The following SIL1 variants were observed in gnomAD, a reference collection of about 807,000 sequenced individuals.
SIL1 encodes SIL1 nucleotide exchange factor.
Under a neutral mutation model 49.1 loss-of-function variants are expected in SIL1, and 40 were observed. That is an observed-to-expected ratio of 0.81 (90% confidence interval 0.63 to 1.06). The LOEUF (loss-of-function observed/expected upper bound fraction) is 1.06, where lower values mean the gene tolerates loss of function less well. Among genes scored for constraint, SIL1 ranks in the 50% least tolerant of loss-of-function variants. The pLI is 0.00. For missense variants in SIL1, 500 were observed against 572.6 expected, an observed-to-expected ratio of 0.87 and a Z score of 1.29; for synonymous variants, 253 against 250.8, an observed-to-expected ratio of 1.01 and a Z score of -0.08.
intron 4 of SIL1, among the ~76,000 whole-genome samples, chr5:139,043,007 A>G (rs1163166792): frequency 6.6e-6 from 1 of 152,174 alleles, no homozygotes; most frequent in African/African-American, 2.4e-5. Context: ...CTAAAAATAA[A>G]TAAGAGGGGA....
At chr5:139,122,586 C>T (rs1376906065) in intron 2 of SIL1, among the ~76,000 whole-genome samples, 1 of 151,498 alleles carries the variant, frequency 6.6e-6, no homozygotes, top group East Asian at 1.9e-4. Context: ...CAGAGCAAGA[C>T]CCTGTCTCAA....
intron 7 of SIL1, among the ~76,000 whole-genome samples, chr5:138,996,395 T>C (rs911724074): frequency 1.3e-5 from 2 of 152,172 alleles, no homozygotes; most frequent in Non-Finnish European, 2.9e-5. Flanking sequence ...ATTGAGTTGT[T>C]TGAGCCCCTT....
chr5:138,975,308 C>T (rs1265463969), intron 7 of SIL1, among the ~76,000 whole-genome samples: 1 of 152,084 alleles, frequency 6.6e-6, no homozygotes, highest in Non-Finnish European at 1.5e-5. Flanking sequence ...ATCAAAGACT[C>T]AAAAATGAAA....
rs1258968877 is a variant in SIL1 at position 138,947,883 on chromosome 5, C to T, written c.1030-410G>A. Reference sequence around the variant, plus strand: ...GGCACTTAGCCTCCCTGAGACTCATCGTCATCACCTCCTAAGTGGAGAAAC... The same window carrying T: ...GGCACTTAGCCTCCCTGAGACTCATTGTCATCACCTCCTAAGTGGAGAAAC... On this transcript the variant is annotated intron_variant, in intron 9 of 9. Transcript: ENST00000394817. This position sits in a 1 kb window ranked among gnomAD's most constrained non-coding sequence, Gnocchi z 4.1. Among the ~76,000 whole-genome samples, 2 of 152,190 alleles carry T rather than the reference C, an allele frequency of 1.3e-5. No homozygotes were observed. The highest frequency in any genetic ancestry group is 4.8e-5 in the African/African-American group (2 of 41,434).
chr5:139,041,063 A>G lies in SIL1; in HGVS notation c.453+1557T>C, dbSNP rs115473887. On this transcript the variant is annotated intron_variant, in intron 5 of 9. Coordinates refer to ENST00000394817, the MANE Select transcript of SIL1 (RefSeq NM_022464.5). ...CACATGGAACCGACAGTGGGTGGGA[A>G]GGAGCCAAAGCCCTGGCCAGTCCCT... Among the ~76,000 whole-genome samples, 322 of 152,266 alleles carry G rather than the reference A, an allele frequency of 2.1e-3. 1 individual carries two copies. Among genetic ancestry groups the G allele is most frequent in the African/African-American group, 7.4e-3 (307 of 41,556 alleles).
Position 139,054,215 on chromosome 5 carries a change from G to C in SIL1, c.245-3169C>G, listed in dbSNP as rs75845989. Reference sequence around the variant, plus strand: ...TGGATCACTTGAGGCCATGGGTTGGGCAACACAGTGAGACCCCGTCTGTAC... The same window carrying C: ...TGGATCACTTGAGGCCATGGGTTGGCCAACACAGTGAGACCCCGTCTGTAC... On this transcript the variant is annotated intron_variant, in intron 3 of 9. Transcript: ENST00000394817. Among the ~76,000 whole-genome samples, 843 of 152,242 alleles carry C rather than the reference G, an allele frequency of 5.5e-3. 4 individuals are homozygous for C. Among genetic ancestry groups the C allele is most frequent in the African/African-American group, 0.019 (808 of 41,524 alleles).
Position 138,990,779 on chromosome 5 carries a change from G to A in SIL1, c.767+30392C>T, listed in dbSNP as rs185364189. Among the ~76,000 whole-genome samples, 174 of 152,244 alleles carry A rather than the reference G, an allele frequency of 1.1e-3. 1 individual carries two copies. Among genetic ancestry groups the A allele is most frequent in the South Asian group, 8.1e-3 (39 of 4,820 alleles). On this transcript the variant is annotated intron_variant, in intron 7 of 9. Transcript: ENST00000394817. ...GAGTCTTGCTGAAGTCCAGTGGCGCGATCTCGGCTCACCGCAACCTCTACC... is the reference window on the plus strand; with the variant it reads ...GAGTCTTGCTGAAGTCCAGTGGCGCAATCTCGGCTCACCGCAACCTCTACC...
intron 1 of SIL1, among the ~76,000 whole-genome samples, chr5:139,149,303 G>A (rs1285759310): frequency 1.3e-5 from 2 of 152,180 alleles, no homozygotes; most frequent in Non-Finnish European, 2.9e-5. Context: ...TACCAAAAGA[G>A]CAAATATTTG....
rs146539320 is a variant in SIL1 at position 139,121,154 on chromosome 5, T to G, written c.125A>C (p.Asn42Thr). The change falls in exon 3 of 10, where the codon AAC (asparagine) becomes ACC (threonine). Residue 42 changes from asparagine (N) to threonine (T), a missense_variant. Asn to Thr is a moderately conservative substitution (Grantham distance 65). Transcript: ENST00000394817. ...HQNLKEFALT[N>T]PEKSSTKETE... ...TTCTTTGGTGCTGCTCTTCTCTGGG[T>G]TGGTCAGGGCAAACTCCTTCTGAGA... The G allele has an allele frequency of 3.0e-5, 49 of 1,614,036 alleles. No homozygotes were observed. Among genetic ancestry groups the G allele is most frequent in the Non-Finnish European group, 3.9e-5 (46 of 1,180,022 alleles).
chr5:139,170,733 G>A (rs1383575005), intron 1 of SIL1, among the ~76,000 whole-genome samples: 1 of 151,830 alleles, frequency 6.6e-6, no homozygotes, highest in Non-Finnish European at 1.5e-5. Context: ...TCTGGGAAGT[G>A]AGGAGCGTCT....
intron 7 of SIL1, among the ~76,000 whole-genome samples, chr5:138,967,573 C>T (rs770153508): frequency 6.6e-6 from 1 of 152,176 alleles, no homozygotes. Context: ...AGTGAGAAAT[C>T]TGACAAAAAG....
chr5:139,120,654 A>T (rs1750606398), intron 3 of SIL1, among the ~76,000 whole-genome samples: 1 of 152,218 alleles, frequency 6.6e-6, no homozygotes, highest in Admixed American at 6.5e-5. Context: ...ACCAGTGCTC[A>T]GGACTCTCCC....
chr5:139,176,927 CTTT>C (rs70982757), intron 1 of SIL1, among the ~76,000 whole-genome samples: 3 of 95,786 alleles, frequency 3.1e-5, no homozygotes, highest in Non-Finnish European at 4.1e-5. Context: ...AGCTGAGATT[CTTT>C]TTTTTTTTTT....
At chr5:139,161,985 C>T (rs1452142401) in intron 1 of SIL1, among the ~76,000 whole-genome samples, 2 of 151,748 alleles carry the variant, frequency 1.3e-5, no homozygotes, top group African/African-American at 4.8e-5. Context: ...TGCACTCCAG[C>T]CTGGGCAACA....
chr5:139,061,552 T>A (rs900054273), intron 3 of SIL1, among the ~76,000 whole-genome samples: 4 of 152,250 alleles, frequency 2.6e-5, no homozygotes, highest in African/African-American at 9.6e-5. Context: ...AATTCCTTTA[T>A]GTTTCTGAAT....
rs117590412 is a variant in SIL1 at position 139,045,103 on chromosome 5, T to C, written c.354-2384A>G. 1.1e-3 allele frequency among the ~76,000 whole-genome samples: 165 copies of C among 152,280 alleles called. 4 individuals are homozygous for C. The East Asian group carries it at 0.027, about 25-fold the overall frequency. On this transcript the variant is annotated intron_variant, in intron 4 of 9. Transcript: ENST00000394817. ...CGGGTGTGGTGGGTCATGCCTGTAA[T>C]TCCGGCACTTTGGGAGGCTGAGGAG...
chr5:139,071,152 CT>C (rs1769822701), intron 3 of SIL1, among the ~76,000 whole-genome samples: 1 of 125,906 alleles, frequency 7.9e-6, no homozygotes, highest in African/African-American at 3.1e-5. Flanking sequence ...AAAATTTAGC[CT>C]GGGAAATGGC....
intron 3 of SIL1, among the ~76,000 whole-genome samples, chr5:139,057,812 A>C (rs541959048): frequency 6.6e-6 from 1 of 152,358 alleles, no homozygotes; most frequent in South Asian, 2.1e-4. Context: ...GGGAAGTCCA[A>C]GATCACACCA....
intron 6 of SIL1, among the ~76,000 whole-genome samples, chr5:139,023,114 A>C (rs1034498835): frequency 6.6e-6 from 1 of 152,244 alleles, no homozygotes; most frequent in Non-Finnish European, 1.5e-5. Flanking sequence ...CATGATAGAA[A>C]TGCAGACATT....
Sources: gnomAD v4.1 joint callset for allele counts (sites outside exome capture counted in the v4.1 genomes callset) on GRCh38, gnomAD v4.1.1 for gene constraint, Gnocchi (gnomAD v3.1) non-coding constraint, MANE v1.5 for transcripts, NCBI Gene and HGNC (gene_info 2026-07-23, HGNC 2026-07-21) for gene names.